EPM2A: variants seen among roughly 807,000 people sequenced by gnomAD.
EPM2A encodes the protein laforin.
Under a neutral mutation model 26.5 loss-of-function variants are expected in EPM2A, and 21 were observed. The observed-to-expected ratio is 0.79, with a 90% CI of 0.56 to 1.14. The LOEUF (loss-of-function observed/expected upper bound fraction) is 1.14, where lower values mean the gene tolerates loss of function less well. EPM2A is among the 50% of genes most tolerant of loss of function. The pLI, the probability that EPM2A is intolerant of heterozygous loss-of-function variation, is 0.00. For missense variants in EPM2A, 458 were observed against 440.8 expected (o/e 1.04, Z -0.35); for synonymous variants, 217 against 177.6 (o/e 1.22, Z -1.76).
intron 2 of EPM2A, among the ~76,000 whole-genome samples, chr6:145,648,007 G>GA (rs1170906198): frequency 2.0e-5 from 3 of 152,066 alleles, no homozygotes; most frequent in African/African-American, 7.2e-5. Flanking sequence ...TTAACTGCCA[G>GA]AAAAAAGACA....
chr6:145,568,569 T>G (rs1357414210), intron 2 of EPM2A, among the ~76,000 whole-genome samples: 5 of 152,152 alleles, frequency 3.3e-5, no homozygotes, highest in Non-Finnish European at 7.4e-5. Flanking sequence ...ATGATCCACC[T>G]GCCTTAGCCT....
chr6:145,686,281 T>C lies in EPM2A; in HGVS notation c.317A>G (p.His106Arg). ...TTCATTGTAAGTACAGCAACGGTCATGATGAGGTCCATTGCCTAGAACAAG... is the reference window on the plus strand; with the variant it reads ...TTCATTGTAAGTACAGCAACGGTCACGATGAGGTCCATTGCCTAGAACAAG... ...ELSWEGNGPH[H>R]DRCCTYNENN... Residue 106 changes from histidine (H) to arginine (R), a missense_variant, in exon 2 of 4, where the codon CAT (histidine) becomes CGT (arginine). Coordinates refer to ENST00000367519, the MANE Select transcript of EPM2A (RefSeq NM_005670.4). The C allele has an allele frequency of 1.2e-6, 2 of 1,613,806 alleles. No homozygotes were observed. Among genetic ancestry groups the C allele is most frequent in the Non-Finnish European group, 1.7e-6 (2 of 1,179,756 alleles).
chr6:145,590,083 G>A (rs541761035), intron 2 of EPM2A, among the ~76,000 whole-genome samples: 2 of 152,192 alleles, frequency 1.3e-5, no homozygotes, highest in East Asian at 3.9e-4. Flanking sequence ...GGAGTTTCTG[G>A]AGCTACAAAT....
chr6:145,601,249 C>T (rs1482514945), intron 2 of EPM2A, among the ~76,000 whole-genome samples: 1 of 152,164 alleles, frequency 6.6e-6, no homozygotes. Context: ...TATCTACAGA[C>T]CTATGGTGAC....
intron 4 of EPM2A, among the ~76,000 whole-genome samples, chr6:145,420,165 A>G (rs1562327852): frequency 6.6e-6 from 1 of 152,092 alleles, no homozygotes; most frequent in Non-Finnish European, 1.5e-5. Flanking sequence ...ACACATTCAT[A>G]CACATGTAAA....
intron 1 of EPM2A, chr6:145,734,546 GAA>G (rs923234925): frequency 1.3e-5 from 2 of 149,798 alleles, no homozygotes; most frequent in African/African-American, 4.9e-5. Context: ...GATTAAAAAA[GAA>G]AAAAAAATCC....
At chr6:145,604,147 A>G (rs996192998) in intron 2 of EPM2A, among the ~76,000 whole-genome samples, 1 of 152,144 alleles carries the variant, frequency 6.6e-6, no homozygotes, top group African/African-American at 2.4e-5. Flanking sequence ...AGTGAAGCCA[A>G]CTTGAATAGC....
In EPM2A at chr6:145,642,387, C is replaced by T. The variant is rs1002462252; in HGVS notation, c.477-6901G>A. 5.3e-5 allele frequency among the ~76,000 whole-genome samples: 8 copies of T among 152,150 alleles called. 1 individual carries two copies. The highest frequency in any genetic ancestry group is 2.0e-4 in the Admixed American group (3 of 15,264). On this transcript the variant is annotated intron_variant, in intron 2 of 3. Coordinates refer to ENST00000367519, the MANE Select transcript of EPM2A (RefSeq NM_005670.4). ...AGACCAAGGAATAAAAAATTAAATACGTGACTTTTCTTGTATTTGTTTTAA... is the reference window on the plus strand; with the variant it reads ...AGACCAAGGAATAAAAAATTAAATATGTGACTTTTCTTGTATTTGTTTTAA...
intron 2 of EPM2A, among the ~76,000 whole-genome samples, chr6:145,649,800 C>G (rs1777745111): frequency 6.6e-6 from 1 of 152,184 alleles, no homozygotes; most frequent in South Asian, 2.1e-4. Flanking sequence ...TGAGTAGTTG[C>G]AACAGAAATC....
chr6:145,550,140 C>G (rs942446180), intron 2 of EPM2A, among the ~76,000 whole-genome samples: 3 of 152,056 alleles, frequency 2.0e-5, no homozygotes, highest in Non-Finnish European at 2.9e-5. Context: ...ACTTTGGGAA[C>G]AGCAAATGCA....
chr6:145,398,375 ATGTT>A (rs1778435669), intron 4 of EPM2A, among the ~76,000 whole-genome samples: 1 of 146,140 alleles, frequency 6.8e-6, no homozygotes, highest in Non-Finnish European at 1.5e-5. Context: ...TTTAAATAGA[ATGTT>A]TGTCTCTTTT....
chr6:145,595,594 T>G (rs1204904158), intron 2 of EPM2A, among the ~76,000 whole-genome samples: 4 of 152,050 alleles, frequency 2.6e-5, no homozygotes, highest in African/African-American at 9.7e-5. Flanking sequence ...CTATTTTATA[T>G]TTTTTATTTC....
chr6:145,688,615 T>C (rs1388727679), intron 1 of EPM2A, among the ~76,000 whole-genome samples: 1 of 151,984 alleles, frequency 6.6e-6, no homozygotes, highest in Non-Finnish European at 1.5e-5. Flanking sequence ...AAAATAAATA[T>C]ATGAGTAATT....
At chr6:145,442,524 G>A (rs1476244752) in intron 4 of EPM2A, among the ~76,000 whole-genome samples, 1 of 151,464 alleles carries the variant, frequency 6.6e-6, no homozygotes, top group Non-Finnish European at 1.5e-5. Flanking sequence ...GATCTTGTGA[G>A]ACTTAATCAC....
At chr6:145,431,659 G>A (rs1778923015) in intron 4 of EPM2A, among the ~76,000 whole-genome samples, 1 of 152,306 alleles carries the variant, frequency 6.6e-6, no homozygotes, top group East Asian at 1.9e-4. Context: ...CAGGAGGAAG[G>A]TTTTGCCTCA....
intron 4 of EPM2A, among the ~76,000 whole-genome samples, chr6:145,492,654 GA>G (rs1219211493): frequency 6.6e-6 from 1 of 152,206 alleles, no homozygotes; most frequent in East Asian, 1.9e-4. Context: ...AAGGTGAAGT[GA>G]AAAGGGAATG....
intron 2 of EPM2A, among the ~76,000 whole-genome samples, chr6:145,554,001 A>C (rs949573270): frequency 6.6e-6 from 1 of 151,744 alleles, no homozygotes; most frequent in Non-Finnish European, 1.5e-5. Context: ...ATTATGTTTT[A>C]CTATATAGAC....
At chr6:145,582,559 C>A (rs917767995) in intron 2 of EPM2A, among the ~76,000 whole-genome samples, 1 of 152,168 alleles carries the variant, frequency 6.6e-6, no homozygotes, top group East Asian at 1.9e-4. Flanking sequence ...AAGTCACCTG[C>A]CCCTTCTCTC....
chr6:145,488,227 G>T (rs557005774), intron 4 of EPM2A, among the ~76,000 whole-genome samples: 36 of 152,158 alleles, frequency 2.4e-4, no homozygotes, highest in Admixed American at 4.6e-4. Context: ...TAGCAGCATG[G>T]TATAGTTTGA....
Sources: gnomAD v4.1 joint callset for allele counts (sites outside exome capture counted in the v4.1 genomes callset) on GRCh38, gnomAD v4.1.1 for gene constraint, MANE v1.5 for transcripts, NCBI Gene and HGNC (gene_info 2026-07-23, HGNC 2026-07-21) for gene names.